NCALD: variants seen among roughly 807,000 people sequenced by gnomAD.
NCALD encodes neurocalcin-delta.
Under a neutral mutation model 18.6 loss-of-function variants are expected in NCALD, and 10 were observed. The ratio of observed to expected loss-of-function variants is 0.54; its 90% CI spans 0.33 to 0.91. NCALD has a LOEUF of 0.91. NCALD is among the 40% of genes least tolerant of loss of function. The pLI, the probability that NCALD is intolerant of heterozygous loss-of-function variation, is 0.03. For synonymous variants in NCALD, 88 were observed against 87.4 expected, an observed-to-expected ratio of 1.01 and a Z score of -0.04; for missense variants, 184 against 247.6, an observed-to-expected ratio of 0.74 and a Z score of 1.72.
intron 1 of NCALD, among the ~76,000 whole-genome samples, chr8:102,026,800 G>T (rs1201753594): frequency 6.6e-6 from 1 of 152,190 alleles, no homozygotes; most frequent in African/African-American, 2.4e-5. Flanking sequence ...TGAGGGCTCT[G>T]CCCCAGCAGT....
chr8:102,034,406 T>C, intron 1 of NCALD, among the ~76,000 whole-genome samples: 1 of 152,192 alleles, frequency 6.6e-6, no homozygotes, highest in East Asian at 1.9e-4. Flanking sequence ...ATAATGTTGC[T>C]GTTGTTGCTT....
intron 4 of NCALD, among the ~76,000 whole-genome samples, chr8:101,865,088 G>C (rs977164657): frequency 2.6e-4 from 40 of 152,308 alleles, no homozygotes; most frequent in Non-Finnish European, 2.6e-4. Flanking sequence ...GTTTCTCCCT[G>C]ATCATGGACA....
intron 1 of NCALD, among the ~76,000 whole-genome samples, chr8:101,765,381 G>C (rs1357998069): frequency 6.6e-6 from 1 of 152,124 alleles, no homozygotes; most frequent in Non-Finnish European, 1.5e-5. Context: ...CCTTGGGAAG[G>C]CTCATCACTA....
chr8:101,956,239 T>C (rs1334759590), intron 2 of NCALD, among the ~76,000 whole-genome samples: 1 of 152,232 alleles, frequency 6.6e-6, no homozygotes, highest in Admixed American at 6.5e-5. Context: ...ATGGTTTTCC[T>C]ATCTTCTGCA....
intron 1 of NCALD, among the ~76,000 whole-genome samples, chr8:102,054,858 C>T (rs1823593430): frequency 6.6e-6 from 1 of 152,016 alleles, no homozygotes; most frequent in Non-Finnish European, 1.5e-5. Flanking sequence ...GTCTCTATAT[C>T]CACACACACG....
intron 1 of NCALD, among the ~76,000 whole-genome samples, chr8:101,773,777 T>C (rs1217294735): frequency 6.6e-6 from 1 of 152,196 alleles, no homozygotes; most frequent in Non-Finnish European, 1.5e-5. Flanking sequence ...TCCTAAATGT[T>C]GGCCTATGTA....
chr8:101,879,587 C>T (rs375942572), intron 4 of NCALD, among the ~76,000 whole-genome samples: 6 of 152,284 alleles, frequency 3.9e-5, no homozygotes, highest in South Asian at 2.1e-4. Flanking sequence ...CGGGTTACAA[C>T]GGCTAGCTGG....
chr8:102,060,840 A>T (rs910259463), intron 1 of NCALD, among the ~76,000 whole-genome samples: 1 of 152,230 alleles, frequency 6.6e-6, no homozygotes, highest in African/African-American at 2.4e-5. Flanking sequence ...GAAGGCAGCT[A>T]AAAGAATGAG....
intron 3 of NCALD, among the ~76,000 whole-genome samples, chr8:101,888,522 A>C (rs1816756190): frequency 6.6e-6 from 1 of 151,994 alleles, no homozygotes; most frequent in South Asian, 2.1e-4. Flanking sequence ...TGCTAAAGCA[A>C]TCCTCCTGCC....
chr8:101,690,847 A>C (rs1306210104), intron 3 of NCALD: 1 of 985,184 alleles, frequency 1.0e-6, no homozygotes, highest in Non-Finnish European at 1.2e-6. Context: ...GACAGGCGTG[A>C]TCTCTGAACA....
At chr8:101,935,724 C>G (rs934164466) in intron 2 of NCALD, among the ~76,000 whole-genome samples, 3 of 149,118 alleles carry the variant, frequency 2.0e-5, no homozygotes, top group Non-Finnish European at 3.0e-5. Context: ...GTCTGGACAA[C>G]TCTTTTGCCA....
rs118133315 is a variant in NCALD, at chr8:101,782,877, G to A, written c.-20+7985C>T. ...CACTGTGGGAAGTTGTAGCCAGTGT[G>A]GAAGACGTAGCTCTGGCCCTCAAAT... On this transcript the variant is annotated intron_variant, in intron 1 of 3. Transcript: ENST00000220931. Among the ~76,000 whole-genome samples the A allele has an allele frequency of 2.2e-4, 34 of 152,314 alleles. No homozygotes were observed. In the East Asian group the frequency reaches 5.4e-3, roughly 24 times the overall value.
chr8:101,690,690 G>A, intron 3 of NCALD: 2 of 985,448 alleles, frequency 2.0e-6, no homozygotes, highest in Non-Finnish European at 2.4e-6. Flanking sequence ...AAAAGATAGG[G>A]ATGCATTTAT....
At chr8:102,072,088 A>C (rs1031137987) in intron 1 of NCALD, among the ~76,000 whole-genome samples, 1 of 152,240 alleles carries the variant, frequency 6.6e-6, no homozygotes, top group Non-Finnish European at 1.5e-5. Flanking sequence ...ATAAAACTAT[A>C]GTTGTTAAGA....
chr8:101,985,275 A>G (rs1439788226), intron 2 of NCALD, among the ~76,000 whole-genome samples: 2 of 151,962 alleles, frequency 1.3e-5, no homozygotes, highest in Non-Finnish European at 2.9e-5. Context: ...AGCCGTCTTG[A>G]AGGTGGACCC....
intron 1 of NCALD, among the ~76,000 whole-genome samples, chr8:102,079,254 C>T (rs1359827010): frequency 6.6e-6 from 1 of 152,230 alleles, no homozygotes; most frequent in Non-Finnish European, 1.5e-5. Context: ...TTAGACCAGA[C>T]ACTGCAGAGC....
chr8:101,950,556 T>C (rs958295784), intron 2 of NCALD, among the ~76,000 whole-genome samples: 1 of 152,208 alleles, frequency 6.6e-6, no homozygotes, highest in African/African-American at 2.4e-5. Flanking sequence ...TCACTCCCAC[T>C]AAAAGCAGAA....
intron 4 of NCALD, among the ~76,000 whole-genome samples, chr8:101,855,341 G>A (rs1005969377): frequency 1.3e-5 from 2 of 152,144 alleles, no homozygotes; most frequent in African/African-American, 4.8e-5. Flanking sequence ...TTGCTCATGT[G>A]AGATCCCTCA....
chr8:101,901,483 T>A (rs983383605), intron 3 of NCALD, among the ~76,000 whole-genome samples: 5 of 152,074 alleles, frequency 3.3e-5, no homozygotes, highest in Non-Finnish European at 7.4e-5. Flanking sequence ...TTTTAAGAAT[T>A]CCATTTTTAT....
Sources: allele counts gnomAD v4.1 joint callset (sites outside exome capture counted in the v4.1 genomes callset), GRCh38; gene constraint gnomAD v4.1.1; transcripts MANE v1.5; gene names NCBI Gene and HGNC (gene_info 2026-07-23, HGNC 2026-07-21).